Variants in MGAT4C observed in about 807,000 individuals in gnomAD.
MGAT4C encodes alpha-1,3-mannosyl-glycoprotein 4-beta-N-acetylglucosaminyltransferase C.
In MGAT4C, 19 loss-of-function variants were observed where a neutral mutation model predicts 40.1. The ratio of observed to expected loss-of-function variants is 0.47; its 90% CI spans 0.33 to 0.70. The LOEUF is 0.70. Ranked by LOEUF, MGAT4C falls within the 30% of genes least tolerant of loss-of-function variation. MGAT4C has a pLI of 0.02. For synonymous variants in MGAT4C, 181 were observed against 187.1 expected (o/e 0.97, Z 0.27); for missense variants, 491 against 563.2 (o/e 0.87, Z 1.30).
intron 4 of MGAT4C, among the ~76,000 whole-genome samples, chr12:86,298,086 A>G (rs761955243): frequency 1.3e-5 from 2 of 152,154 alleles, no homozygotes; most frequent in Non-Finnish European, 2.9e-5. Context: ...GTAGGGCAAT[A>G]GGTCATGCTT....
At chr12:86,790,060 G>A (rs1176315534) in intron 1 of MGAT4C, among the ~76,000 whole-genome samples, 1 of 152,072 alleles carries the variant, frequency 6.6e-6, no homozygotes, top group Non-Finnish European at 1.5e-5. Context: ...TGTACTGAAA[G>A]TACTTGAATG....
At chr12:86,532,273 T>C (rs892356959) in intron 2 of MGAT4C, among the ~76,000 whole-genome samples, 70 of 152,150 alleles carry the variant, frequency 4.6e-4, no homozygotes, top group African/African-American at 1.4e-3. Flanking sequence ...CAGTTATAAA[T>C]ACCTAATAAG....
At chr12:86,123,363 A>G (rs371074988) in intron 1 of MGAT4C, among the ~76,000 whole-genome samples, 18 of 152,280 alleles carry the variant, frequency 1.2e-4, no homozygotes, top group African/African-American at 4.3e-4. Context: ...ATTGTATCAG[A>G]TGCATGATGG....
intron 2 of MGAT4C, among the ~76,000 whole-genome samples, chr12:86,536,397 G>A (rs1403045945): frequency 2.0e-5 from 3 of 151,910 alleles, no homozygotes; most frequent in African/African-American, 7.3e-5. Flanking sequence ...CTAATAGGTA[G>A]GTTCTTAATA....
chr12:86,078,914 G>C (rs1378645792), intron 1 of MGAT4C, among the ~76,000 whole-genome samples: 1 of 152,170 alleles, frequency 6.6e-6, no homozygotes, highest in Non-Finnish European at 1.5e-5. Flanking sequence ...CACCTTCTTA[G>C]TTTATTACTA....
intron 1 of MGAT4C, among the ~76,000 whole-genome samples, chr12:86,176,626 A>G (rs1045244404): frequency 1.3e-5 from 2 of 151,860 alleles, no homozygotes; most frequent in Non-Finnish European, 2.9e-5. Context: ...ATAAATAAAA[A>G]TATATCCATT....
chr12:86,211,950 G>A (rs1271641580), intron 1 of MGAT4C, among the ~76,000 whole-genome samples: 1 of 152,052 alleles, frequency 6.6e-6, no homozygotes, highest in East Asian at 1.9e-4. Flanking sequence ...TGGAGCTGCT[G>A]GACAGCTTAG....
At chr12:86,798,642 A>C (rs757850368) in intron 1 of MGAT4C, among the ~76,000 whole-genome samples, 22 of 151,916 alleles carry the variant, frequency 1.4e-4, no homozygotes, top group Admixed American at 5.9e-4. Flanking sequence ...CAATACCTAC[A>C]GCCTTCTAAT....
chr12:86,137,293 C>T (rs1882113180), intron 1 of MGAT4C, among the ~76,000 whole-genome samples: 2 of 152,110 alleles, frequency 1.3e-5, no homozygotes, highest in African/African-American at 2.4e-5. Flanking sequence ...AATAAAAAAG[C>T]TGCTTCTGTT....
At chr12:86,389,550 G>T (rs1956127027) in intron 3 of MGAT4C, among the ~76,000 whole-genome samples, 1 of 152,094 alleles carries the variant, frequency 6.6e-6, no homozygotes, top group South Asian at 2.1e-4. Flanking sequence ...ATTCCTTTGG[G>T]TATGTACCCA....
chr12:86,335,405 C>T (rs1306086439), intron 3 of MGAT4C, among the ~76,000 whole-genome samples: 1 of 152,086 alleles, frequency 6.6e-6, no homozygotes. Context: ...AAATAATGGC[C>T]TTATCTCCCA....
chr12:86,148,644 C>T (rs893789161), intron 1 of MGAT4C, among the ~76,000 whole-genome samples: 7 of 152,134 alleles, frequency 4.6e-5, no homozygotes, highest in Non-Finnish European at 1.0e-4. Context: ...GCAATTAGAG[C>T]AGTATAGGCA....
intron 4 of MGAT4C, among the ~76,000 whole-genome samples, chr12:86,331,120 G>A (rs1409546218): frequency 6.6e-6 from 1 of 151,988 alleles, no homozygotes; most frequent in East Asian, 1.9e-4. Context: ...AGAAGGAAGG[G>A]CATGAATGAA....
intron 1 of MGAT4C, among the ~76,000 whole-genome samples, chr12:86,747,781 T>A (rs1293240330): frequency 1.3e-5 from 2 of 151,452 alleles, no homozygotes; most frequent in African/African-American, 4.8e-5. Context: ...ATTTTTTTTT[T>A]TAAAAAAAAG....
At chr12:86,355,045 T>A (rs1433723119) in intron 3 of MGAT4C, among the ~76,000 whole-genome samples, 1 of 152,178 alleles carries the variant, frequency 6.6e-6, no homozygotes, top group Non-Finnish European at 1.5e-5. Flanking sequence ...GAGTGCTGAT[T>A]GGTCCATTTT....
At chr12:86,706,326 G>T (rs114707476) in intron 2 of MGAT4C, among the ~76,000 whole-genome samples, 6,698 of 152,264 alleles carry the variant, frequency 0.044, 207 homozygotes, top group African/African-American at 0.092. Flanking sequence ...TATCAATTCT[G>T]AGAATTGGAT....
rs111752045 is a variant in MGAT4C at position 86,528,833 on chromosome 12, T to C, written c.-228-93568A>G. Among the ~76,000 whole-genome samples the C allele has an allele frequency of 3.3e-3, 496 of 152,148 alleles. 1 individual carries two copies. The highest frequency in any genetic ancestry group is 0.012 in the African/African-American group (479 of 41,528). ...TTTCTTCTGACTGATAATCAGCTTT[T>C]GACAGTTGATAATTGAAGCTATCAC... On this transcript the variant is annotated intron_variant, in intron 2 of 7. Transcript: ENST00000548651.
intron 2 of MGAT4C, among the ~76,000 whole-genome samples, chr12:86,585,768 T>TC (rs1961000335): frequency 6.7e-6 from 1 of 150,010 alleles, no homozygotes. Flanking sequence ...TTTTTTTCAT[T>TC]CCCCCACTTT....
intron 1 of MGAT4C, among the ~76,000 whole-genome samples, chr12:86,230,707 G>C (rs1476601659): frequency 1.3e-5 from 2 of 151,976 alleles, no homozygotes; most frequent in South Asian, 4.1e-4. Flanking sequence ...ATATGGGAAA[G>C]GAAAAACTCC....
Sources: allele counts gnomAD v4.1 joint callset (sites outside exome capture counted in the v4.1 genomes callset), GRCh38; gene constraint gnomAD v4.1.1; transcripts MANE v1.5; gene names NCBI Gene and HGNC (gene_info 2026-07-23, HGNC 2026-07-21).